ZBBX: variants seen among roughly 807,000 people sequenced by gnomAD.
ZBBX encodes zinc finger B-box domain-containing protein 1.
ZBBX carries 101 observed loss-of-function variants against 108.5 expected under a neutral mutation model. That is an observed-to-expected ratio of 0.93 (90% CI 0.79 to 1.10). ZBBX has a LOEUF of 1.10. Ranked by LOEUF, ZBBX falls within the 50% of genes least tolerant of loss-of-function variation. The pLI is 0.00. For missense variants in ZBBX, 1,009 were observed against 941.4 expected, an observed-to-expected ratio of 1.07 and a Z score of -0.94; for synonymous variants, 356 against 323.4, an observed-to-expected ratio of 1.10 and a Z score of -1.08.
Position 167,282,480 on chromosome 3 carries a change from C to A in ZBBX, c.2012G>T (p.Arg671Ile). 1 of 1,605,106 alleles carries A rather than the reference C, an allele frequency of 6.2e-7. No homozygotes were observed. Among genetic ancestry groups the A allele is most frequent in the Non-Finnish European group, 8.5e-7 (1 of 1,177,346 alleles). The change falls in exon 20 of 22, where the codon AGA (arginine) becomes ATA (isoleucine). Residue 671 changes from arginine (R) to isoleucine (I), a missense_variant. Physicochemically the swap from Arg to Ile is moderately conservative, Grantham distance 97 (BLOSUM62 -3). Coordinates refer to ENST00000675490, the MANE Select transcript of ZBBX (RefSeq NM_001199201.2). ...KQQKMGQKSQ[R>I]PSTANFPLSN... The stretch of plus-strand genomic sequence containing the variant: ...AAGTGGAAAATTTGCTGTTGAAGGT[C>A]TCTGTGATTTCTGACCTAAAATTAA...
At chr3:167,318,822 TA>T (rs1244698475) in intron 12 of ZBBX, among the ~76,000 whole-genome samples, 1 of 151,810 alleles carries the variant, frequency 6.6e-6, no homozygotes, top group Non-Finnish European at 1.5e-5. Context: ...CATCATACTT[TA>T]AAAAATATAT....
intron 17 of ZBBX, among the ~76,000 whole-genome samples, chr3:167,302,815 C>T (rs755405185): frequency 2.6e-5 from 4 of 152,144 alleles, no homozygotes; most frequent in East Asian, 1.9e-4. Context: ...AAGAGAGCCA[C>T]GTGACATCTG....
At chr3:167,190,182 G>A in the ZBBX span, among the ~76,000 whole-genome samples, 3 of 152,056 alleles carry the variant, frequency 2.0e-5, no homozygotes, top group African/African-American at 7.2e-5. Context: ...TGTCTAGATA[G>A]TATAGAGGGA....
intron 11 of ZBBX, among the ~76,000 whole-genome samples, chr3:167,326,623 A>G (rs1737423175): frequency 6.8e-6 from 1 of 147,046 alleles, no homozygotes; most frequent in South Asian, 2.1e-4. Flanking sequence ...TGACAAGTCA[A>G]AAAAAAAATT....
At chr3:167,320,863 G>A (rs545141250) in intron 12 of ZBBX, among the ~76,000 whole-genome samples, 33 of 152,006 alleles carry the variant, frequency 2.2e-4, no homozygotes, top group African/African-American at 7.7e-4. Context: ...GAAACACCTG[G>A]CAAGTACTCT....
At chr3:167,311,182 A>G (rs13099218) in intron 16 of ZBBX, among the ~76,000 whole-genome samples, 124,626 of 152,056 alleles carry the variant, frequency 0.82, 51,468 homozygotes, top group African/African-American at 0.93. Context: ...CTTTGAGAGA[A>G]GAATAAAGGC....
chr3:167,240,735 T>C lies in ZBBX; in HGVS notation c.*58A>G. 6.4e-7 allele frequency: 1 copy of C among 1,573,750 alleles called. No individual in the cohort carries two copies. The highest frequency in any genetic ancestry group is 8.6e-7 in the Non-Finnish European group (1 of 1,158,906). ...GGATAGGTAATCACTTGGTTACTTT[T>C]CTCAGTTGTTTGCTTTACTCTGGGT... On this transcript the variant is annotated 3_prime_UTR_variant, in exon 22 of 22. Transcript: ENST00000675490.
chr3:167,323,637 C>T (rs2108334378), intron 11 of ZBBX, among the ~76,000 whole-genome samples: 1 of 152,128 alleles, frequency 6.6e-6, no homozygotes, highest in Admixed American at 6.6e-5. Flanking sequence ...TTTATTTGCT[C>T]CCTTCTTTCA....
Position 167,397,475 on chromosome 3 carries a change from C to T in ZBBX, c.-446+10251G>A, listed in dbSNP as rs1485133430. ...AAAAAAATTATCAGAATGGATTATT[C>T]CCTTACTTTATCTTCTTCGAAAGAT... On this transcript the variant is annotated intron_variant, in intron 1 of 21. Transcript: ENST00000455345. Among the ~76,000 whole-genome samples the T allele has an allele frequency of 2.6e-5, 4 of 151,908 alleles. No individual in the cohort carries two copies. The South Asian group carries it at 6.2e-4, about 24-fold the overall frequency.
intron 20 of ZBBX, among the ~76,000 whole-genome samples, chr3:167,281,108 G>A (rs1728732789): frequency 1.3e-5 from 2 of 152,140 alleles, no homozygotes; most frequent in Non-Finnish European, 2.9e-5. Context: ...CTGTTGTGGG[G>A]TGGGGGTAGG....
At chr3:167,289,858 C>A (rs1730370992) in intron 18 of ZBBX, among the ~76,000 whole-genome samples, 1 of 152,182 alleles carries the variant, frequency 6.6e-6, no homozygotes, top group East Asian at 1.9e-4. Flanking sequence ...ACTGCCAGCA[C>A]AGCAGTCTGA....
rs59419965 is a variant in ZBBX at position 167,306,818 on chromosome 3, G to A, written c.1418-868C>T. Among the ~76,000 whole-genome samples, 208 of 152,196 alleles carry A rather than the reference G, an allele frequency of 1.4e-3. No homozygotes were observed. The East Asian group carries it at 0.019, about 14-fold the overall frequency. ...ATCCAGACTGAATATAGCTTCTTCT[G>A]GTTATCCCTTACTCTGTTCCAAAGA... On this transcript the variant is annotated intron_variant, in intron 16 of 21. Transcript: ENST00000675490.
rs761807045 is a variant in ZBBX, at chr3:167,365,878, CTT to C, written c.273+6_273+7del. ...AAAATGCATAAGAATCAAATAGTAT[CTT>C]CTTACCTTAACAACATTTCCTTTAT... On this transcript the variant is annotated splice_donor_region_variant and intron_variant, in intron 6 of 21. Transcript: ENST00000675490. The C allele has an allele frequency of 1.3e-6, 2 of 1,591,564 alleles. No individual in the cohort carries two copies. The highest frequency in any genetic ancestry group is 1.7e-6 in the Non-Finnish European group (2 of 1,162,838).
intron 8 of ZBBX, among the ~76,000 whole-genome samples, chr3:167,358,559 G>T (rs921708842): frequency 3.9e-5 from 6 of 152,200 alleles, no homozygotes; most frequent in African/African-American, 1.4e-4. Context: ...AAATGTTCAT[G>T]AAATTGGTAC....
At chr3:167,300,098 T>A (rs1732375374) in intron 17 of ZBBX, among the ~76,000 whole-genome samples, 1 of 152,176 alleles carries the variant, frequency 6.6e-6, no homozygotes, top group Non-Finnish European at 1.5e-5. Flanking sequence ...GGTGGAAAAT[T>A]TCTGTGAAAC....
intron 1 of ZBBX, among the ~76,000 whole-genome samples, chr3:167,394,411 A>T (rs1015332794): frequency 1.3e-5 from 2 of 152,010 alleles, no homozygotes; most frequent in Admixed American, 1.3e-4. Flanking sequence ...CCACATGCAT[A>T]TGGACACAAT....
Position 167,350,503 on chromosome 3 carries a change from A to G in ZBBX, c.445T>C (p.Cys149Arg). The change falls in exon 9 of 22, where the codon TGT becomes CGT. Residue 149 changes from cysteine to arginine, a missense_variant. Coordinates refer to ENST00000675490, the MANE Select transcript of ZBBX (RefSeq NM_001199201.2). Reference sequence around the variant, plus strand: ...CATCCTGAACAATAATCTTCTCCACATTCAAGGCATACCTAAAAAGATATT... The same window carrying G: ...CATCCTGAACAATAATCTTCTCCACGTTCAAGGCATACCTAAAAAGATATT... ...NKAALLVCLE[C>R]GEDYCSGCFA... 6.3e-7 allele frequency: 1 copy of G among 1,581,732 alleles called. No individual in the cohort carries two copies. The highest frequency in any genetic ancestry group is 8.6e-7 in the Non-Finnish European group (1 of 1,161,502).
chr3:167,342,824 C>A (rs1378158404), intron 9 of ZBBX, among the ~76,000 whole-genome samples: 1 of 150,164 alleles, frequency 6.7e-6, no homozygotes, highest in Non-Finnish European at 1.5e-5. Context: ...ACAAGGGACA[C>A]AGGAAACTTT....
chr3:167,243,213 G>C lies in ZBBX; in HGVS notation c.2255-570C>G, dbSNP rs142549665. ...AAATACTGCAAGTTAAACAAACAAA[G>C]TCTTTAGGCAAATGTATCTTCATAT... On this transcript the variant is annotated intron_variant, in intron 20 of 21. Transcript: ENST00000675490. 8.8e-3 allele frequency among the ~76,000 whole-genome samples: 1,333 copies of C among 152,266 alleles called. 21 individuals carry two copies. The highest frequency in any genetic ancestry group is 0.03 in the African/African-American group (1,254 of 41,550).
Sources: gnomAD v4.1 joint callset for allele counts (sites outside exome capture counted in the v4.1 genomes callset) on GRCh38, gnomAD v4.1.1 for gene constraint, MANE v1.5 for transcripts, NCBI Gene and HGNC (gene_info 2026-07-23, HGNC 2026-07-21) for gene names.